DPP10: variants seen among roughly 807,000 people sequenced by gnomAD.
The protein encoded by DPP10 is inactive dipeptidyl peptidase 10.
Under a neutral mutation model 120.9 loss-of-function variants are expected in DPP10, and 33 were observed. That is an observed-to-expected ratio of 0.27 (90% confidence interval 0.21 to 0.37). DPP10 has a LOEUF of 0.37. Among genes scored for constraint, DPP10 ranks in the 10% least tolerant of loss-of-function variants. The pLI is 1.00. For synonymous variants in DPP10, 337 were observed against 326.1 expected, an observed-to-expected ratio of 1.03 and a Z score of -0.36; for missense variants, 816 against 942.8, an observed-to-expected ratio of 0.87 and a Z score of 1.76.
At chr2:115,770,511 A>G (rs947317252) in intron 13 of DPP10, among the ~76,000 whole-genome samples, 1 of 151,852 alleles carries the variant, frequency 6.6e-6, no homozygotes, top group Non-Finnish European at 1.5e-5. Flanking sequence ...ACATGACTGC[A>G]TGATTATTTA....
intron 5 of DPP10, among the ~76,000 whole-genome samples, chr2:115,600,391 T>C (rs1575297810): frequency 6.6e-6 from 1 of 152,334 alleles, no homozygotes; most frequent in Middle Eastern, 3.4e-3. Context: ...GATGAATAAG[T>C]ATTTTAATAG....
intron 19 of DPP10, among the ~76,000 whole-genome samples, chr2:115,797,592 T>C (rs1684683824): frequency 6.6e-6 from 1 of 152,044 alleles, no homozygotes; most frequent in Admixed American, 6.6e-5. Flanking sequence ...TTTGTATCTT[T>C]GTCATTTACA....
intron 3 of DPP10, among the ~76,000 whole-genome samples, chr2:115,426,951 A>G (rs895219509): frequency 2.0e-5 from 3 of 152,258 alleles, no homozygotes; most frequent in Non-Finnish European, 4.4e-5. Context: ...ACAAGATACA[A>G]TGAGGTTATA....
At chr2:115,287,743 A>G (rs1021785968) in intron 1 of DPP10, among the ~76,000 whole-genome samples, 3 of 152,122 alleles carry the variant, frequency 2.0e-5, no homozygotes, top group Admixed American at 2.0e-4. Context: ...AAAGAACTCA[A>G]TCCCTTTTAC....
chr2:115,099,534 G>A (rs772343503), intron 1 of DPP10, among the ~76,000 whole-genome samples: 2 of 152,110 alleles, frequency 1.3e-5, no homozygotes, highest in Non-Finnish European at 2.9e-5. Flanking sequence ...GGCCCCTCAA[G>A]GTCAAGGACC....
chr2:115,607,250 T>C (rs1284078257), intron 5 of DPP10, among the ~76,000 whole-genome samples: 1 of 152,176 alleles, frequency 6.6e-6, no homozygotes. Context: ...AGAGTTAATA[T>C]ATTTGAAAAA....
At chr2:114,725,961 A>C (rs1481148950) in intron 1 of DPP10, among the ~76,000 whole-genome samples, 1 of 152,172 alleles carries the variant, frequency 6.6e-6, no homozygotes, top group African/African-American at 2.4e-5. Flanking sequence ...GGCTGGGTGC[A>C]GTGGCTCAAG....
chr2:114,494,115 A>AAAAC (rs70937284), intron 1 of DPP10, among the ~76,000 whole-genome samples: 31,829 of 142,482 alleles, frequency 0.22, 4,404 homozygotes, highest in Admixed American at 0.35. Flanking sequence ...AAAAAAAAAA[A>AAAAC]AAAAAACCCA....
chr2:114,884,751 A>G (rs546662984), intron 1 of DPP10, among the ~76,000 whole-genome samples: 2 of 152,278 alleles, frequency 1.3e-5, no homozygotes, highest in South Asian at 4.1e-4. Flanking sequence ...AGTCTATTGT[A>G]TCATTCTTAT....
intron 3 of DPP10, among the ~76,000 whole-genome samples, chr2:115,463,262 T>G (rs2074102259): frequency 6.6e-6 from 1 of 152,190 alleles, no homozygotes; most frequent in Non-Finnish European, 1.5e-5. Flanking sequence ...GCTCTGAGAT[T>G]CCTATACCAC....
At chr2:115,037,606 A>C (rs60912714) in intron 1 of DPP10, among the ~76,000 whole-genome samples, 17,106 of 152,198 alleles carry the variant, frequency 0.11, 1,268 homozygotes, top group East Asian at 0.35. Flanking sequence ...GAATTTGTTA[A>C]TAATGCAGGC....
chr2:114,915,142 T>A (rs548273323), intron 1 of DPP10, among the ~76,000 whole-genome samples: 163 of 132,216 alleles, frequency 1.2e-3, no homozygotes, highest in African/African-American at 3.8e-3. Context: ...AAAAAAAAAA[T>A]AAAAAATAAA....
At chr2:115,717,076 T>C (rs922409963) in intron 7 of DPP10, among the ~76,000 whole-genome samples, 1 of 152,230 alleles carries the variant, frequency 6.6e-6, no homozygotes, top group Non-Finnish European at 1.5e-5. Flanking sequence ...ATCCCTTTTG[T>C]TAATCTTTGG....
In DPP10 at chr2:115,234,330, T is replaced by C. The variant is rs2057890677; in HGVS notation, c.61-74909T>C. On this transcript the variant is annotated intron_variant, in intron 1 of 25. Coordinates refer to ENST00000410059, the MANE Select transcript of DPP10 (RefSeq NM_020868.6). ...CCAGTACTATCAGTGTTTAACTTGC[T>C]TGTTTCGTGACCCACAAAACTGATT... The C allele has an allele frequency of 1.6e-5, 3 of 185,496 alleles. No homozygotes were observed. In the Admixed American group the frequency reaches 1.6e-4, roughly 10 times the overall value. 11.5% of individuals were successfully genotyped at this position (185,496 alleles called of 1,614,324 possible).
At chr2:115,007,718 C>A (rs544694686) in intron 1 of DPP10, among the ~76,000 whole-genome samples, 1 of 151,740 alleles carries the variant, frequency 6.6e-6, no homozygotes, top group African/African-American at 2.4e-5. Flanking sequence ...TGATAAGCAA[C>A]TTCAGCAAAG....
chr2:115,130,489 CATCCATCCATCT>C (rs1261278323), intron 1 of DPP10, among the ~76,000 whole-genome samples: 114 of 134,344 alleles, frequency 8.5e-4, no homozygotes, highest in South Asian at 2.6e-3. Context: ...TCCATGCATC[CATCCATCCATCT>C]ATCCATCCAT....
intron 1 of DPP10, among the ~76,000 whole-genome samples, chr2:114,619,379 A>ATGTGTG (rs1491151263): frequency 7.1e-5 from 10 of 140,740 alleles, no homozygotes; most frequent in African/African-American, 3.0e-4. Context: ...ATATATATAC[A>ATGTGTG]TATGTGTGTG....
intron 1 of DPP10, among the ~76,000 whole-genome samples, chr2:114,666,117 A>G (rs949596302): frequency 1.3e-5 from 2 of 152,180 alleles, no homozygotes; most frequent in African/African-American, 2.4e-5. Context: ...AGTTTTACCC[A>G]TCACTGAACA....
chr2:114,904,698 A>G (rs921770871), intron 1 of DPP10, among the ~76,000 whole-genome samples: 1 of 152,248 alleles, frequency 6.6e-6, no homozygotes, highest in African/African-American at 2.4e-5. Context: ...GGGAACAAAG[A>G]TAAGATGAAA....
Sources: gnomAD v4.1 joint callset for allele counts (sites outside exome capture counted in the v4.1 genomes callset) on GRCh38, gnomAD v4.1.1 for gene constraint, MANE v1.5 for transcripts, NCBI Gene and HGNC (gene_info 2026-07-23, HGNC 2026-07-21) for gene names.